CSMD1: variants seen among roughly 807,000 people sequenced by gnomAD.
CSMD1 encodes the protein CUB and Sushi multiple domains 1.
In CSMD1, 213 loss-of-function variants were observed where a neutral mutation model predicts 417.5. The ratio of observed to expected loss-of-function variants is 0.51; its 90% confidence interval spans 0.46 to 0.57. The LOEUF (loss-of-function observed/expected upper bound fraction) is 0.57. CSMD1 is among the 20% of genes least tolerant of loss of function. The pLI is 0.00. For synonymous variants in CSMD1, 2,862 were observed against 1,736.8 expected (o/e 1.65, Z -16.11); for missense variants, 6,923 against 4,529.7 (o/e 1.53, Z -15.17).
At chr8:4,984,923 T>A (rs937653020) in intron 1 of CSMD1, among the ~76,000 whole-genome samples, 7 of 152,162 alleles carry the variant, frequency 4.6e-5, no homozygotes, top group African/African-American at 1.7e-4. Flanking sequence ...GTGGCACATA[T>A]GCATCCGGAA....
rs147682451 is a variant in CSMD1 at position 3,086,374 on chromosome 8, T to A, written c.7474+723A>T. On this transcript the variant is annotated intron_variant, in intron 49 of 69. Coordinates refer to ENST00000635120, the MANE Select transcript of CSMD1 (RefSeq NM_033225.6). ...TACAGTCAAAGGCACCTACAATAACTGTGATAAGTATCTATTACTGTCTCA... is the reference window on the plus strand; with the variant it reads ...TACAGTCAAAGGCACCTACAATAACAGTGATAAGTATCTATTACTGTCTCA... 2.1e-3 allele frequency among the ~76,000 whole-genome samples: 313 copies of A among 152,266 alleles called. 2 individuals carry two copies. The highest frequency in any genetic ancestry group is 7.1e-3 in the African/African-American group (294 of 41,556).
At chr8:4,413,852 A>C (rs2128936205) in intron 3 of CSMD1, among the ~76,000 whole-genome samples, 1 of 152,298 alleles carries the variant, frequency 6.6e-6, no homozygotes, top group South Asian at 2.1e-4. Flanking sequence ...TGAAATGAGG[A>C]AGGAATGTGT....
rs958635127 is a variant in CSMD1, at chr8:2,937,547, C to T, written c.*1038G>A. 5 of 151,886 alleles carry T rather than the reference C, an allele frequency of 3.3e-5. No homozygotes were observed. The highest frequency in any genetic ancestry group is 1.2e-4 in the African/African-American group (5 of 41,324). 9.4% of individuals were successfully genotyped at this position (151,886 alleles called of 1,614,324 possible). A position where few individuals can be genotyped will look rare whatever the true frequency, so the allele number is the denominator to read the frequency against. On this transcript the variant is annotated 3_prime_UTR_variant, in exon 70 of 70. Coordinates refer to ENST00000635120, the MANE Select transcript of CSMD1 (RefSeq NM_033225.6). ...AAATAAATTACTATTCACAGTTTTA[C>T]ATGGCAAACAGAAATTTCTGCAAAC... is the stretch of plus-strand genomic sequence containing the variant.
At chr8:4,454,427 C>A (rs762254432) in intron 2 of CSMD1, among the ~76,000 whole-genome samples, 2 of 152,096 alleles carry the variant, frequency 1.3e-5, no homozygotes, top group African/African-American at 4.8e-5. Flanking sequence ...CTTTGGATAC[C>A]CTACCCTAGT....
intron 1 of CSMD1, among the ~76,000 whole-genome samples, chr8:4,936,845 A>C (rs1807653367): frequency 2.0e-5 from 3 of 152,240 alleles, no homozygotes; most frequent in Admixed American, 2.0e-4. Flanking sequence ...AAAATAATAC[A>C]TAAAACACTA....
At chr8:4,146,179 C>G (rs959708440) in intron 3 of CSMD1, among the ~76,000 whole-genome samples, 4 of 150,818 alleles carry the variant, frequency 2.7e-5, no homozygotes, top group Non-Finnish European at 4.4e-5. Flanking sequence ...CTCCGCTGGC[C>G]AAGTCGATTC....
rs558854596 is a variant in CSMD1, at chr8:3,753,970, G to A, written c.891C>T (p.Asp297=). Residue 297 remains aspartate, a synonymous_variant, in exon 6 of 70, where the codon GAC becomes GAT. Transcript: ENST00000635120. ...TAAATCCTTTGCGTCGGTGGTTGCT[G>A]TCAGAGGTGAAATGGAGTCGTAGCC... is the stretch of plus-strand genomic sequence containing the variant. ...KNWLRLHFTS[D]SNHRRKGFNA... The A allele has an allele frequency of 1.6e-5, 26 of 1,612,790 alleles. 1 individual carries two copies. In the South Asian group the frequency reaches 2.5e-4, roughly 16 times the overall value.
chr8:4,123,283 A>G (rs1802588406), intron 3 of CSMD1, among the ~76,000 whole-genome samples: 1 of 152,220 alleles, frequency 6.6e-6, no homozygotes, highest in Non-Finnish European at 1.5e-5. Context: ...AGAATATATT[A>G]GGTCAACAAA....
intron 1 of CSMD1, among the ~76,000 whole-genome samples, chr8:4,896,248 C>G (rs530879941): frequency 6.6e-6 from 1 of 152,200 alleles, no homozygotes; most frequent in Non-Finnish European, 1.5e-5. Flanking sequence ...TCACCTTGAT[C>G]CAGTCCGTCT....
chr8:3,814,285 C>T (rs1801251010), intron 5 of CSMD1, among the ~76,000 whole-genome samples: 1 of 152,138 alleles, frequency 6.6e-6, no homozygotes, highest in Admixed American at 6.6e-5. Flanking sequence ...GTATCTGAAT[C>T]TTGAGTCATT....
chr8:3,994,337 A>C lies in CSMD1; in HGVS notation c.818+3566T>G, dbSNP rs543125776. 4.0e-5 allele frequency among the ~76,000 whole-genome samples: 6 copies of C among 151,622 alleles called. No homozygotes were observed. In the South Asian group the frequency reaches 1.3e-3, roughly 32 times the overall value. ...TACAACCTTAATCCCGTTAACCATCATGTCTTAATTTAGAAACCATAGAGG... is the reference window on the plus strand; with the variant it reads ...TACAACCTTAATCCCGTTAACCATCCTGTCTTAATTTAGAAACCATAGAGG... On this transcript the variant is annotated intron_variant, in intron 5 of 69. Coordinates refer to ENST00000635120, the MANE Select transcript of CSMD1 (RefSeq NM_033225.6).
chr8:3,099,792 G>A (rs1300424022), intron 46 of CSMD1, among the ~76,000 whole-genome samples: 1 of 152,002 alleles, frequency 6.6e-6, no homozygotes, highest in African/African-American at 2.4e-5. Context: ...TGTTTCTTAG[G>A]AAAGACAAAA....
chr8:4,146,449 AAG>A (rs908370570), intron 3 of CSMD1, among the ~76,000 whole-genome samples: 1 of 150,552 alleles, frequency 6.6e-6, no homozygotes, highest in African/African-American at 2.5e-5. Flanking sequence ...TCTCAGCAGT[AAG>A]TGTAGAGTTA....
chr8:4,146,778 A>T (rs1376187019), intron 3 of CSMD1, among the ~76,000 whole-genome samples: 2 of 148,520 alleles, frequency 1.3e-5, no homozygotes, highest in South Asian at 4.2e-4. Flanking sequence ...GACTCGACTA[A>T]TTTTTTGTAT....
At chr8:4,737,545 T>C (rs1810325333) in intron 1 of CSMD1, among the ~76,000 whole-genome samples, 2 of 152,174 alleles carry the variant, frequency 1.3e-5, no homozygotes, top group Non-Finnish European at 2.9e-5. Flanking sequence ...ATTGATGATT[T>C]CCCTTATAGA....
intron 5 of CSMD1, among the ~76,000 whole-genome samples, chr8:3,861,973 G>A (rs748451739): frequency 1.3e-5 from 2 of 152,136 alleles, no homozygotes; most frequent in Non-Finnish European, 2.9e-5. Flanking sequence ...TGTTTTCTGT[G>A]ATGAATGTGT....
intron 57 of CSMD1, among the ~76,000 whole-genome samples, chr8:2,969,369 C>G (rs2128930758): frequency 6.6e-6 from 1 of 152,236 alleles, no homozygotes; most frequent in Non-Finnish European, 1.5e-5. Context: ...TGTAATGCAA[C>G]TTCATGAGAT....
chr8:3,732,525 G>C (rs1178390346), intron 6 of CSMD1, among the ~76,000 whole-genome samples: 2 of 149,792 alleles, frequency 1.3e-5, no homozygotes, highest in Non-Finnish European at 2.9e-5. Context: ...TATTTGCTGA[G>C]ACTCTGTATA....
At chr8:3,755,062 T>A (rs938341755) in intron 5 of CSMD1, among the ~76,000 whole-genome samples, 1 of 152,234 alleles carries the variant, frequency 6.6e-6, no homozygotes, top group African/African-American at 2.4e-5. Context: ...TCAGAAACAA[T>A]CATGTGTTTT....
Sources: allele counts gnomAD v4.1 joint callset (sites outside exome capture counted in the v4.1 genomes callset), GRCh38; gene constraint gnomAD v4.1.1; transcripts MANE v1.5; gene names NCBI Gene and HGNC (gene_info 2026-07-23, HGNC 2026-07-21).